Variants in GPHN observed in about 807,000 individuals in gnomAD.
The protein encoded by GPHN is gephyrin.
A neutral mutation model predicts 95.5 loss-of-function variants in GPHN; 17 were observed. That is an observed-to-expected ratio of 0.18 (90% CI 0.12 to 0.27). The LOEUF is 0.27. Among genes scored for constraint, GPHN ranks in the 10% least tolerant of loss-of-function variants. GPHN has a pLI of 1.00. For missense variants in GPHN, 660 were observed against 978.1 expected (o/e 0.67, Z 4.34); for synonymous variants, 320 against 322.5 (o/e 0.99, Z 0.08).
intron 4 of GPHN, among the ~76,000 whole-genome samples, chr14:66,871,958 TA>T (rs1421922653): frequency 1.3e-5 from 2 of 152,124 alleles, no homozygotes; most frequent in Non-Finnish European, 2.9e-5. Flanking sequence ...AAAATTTAAA[TA>T]CGTAAAAAAA....
At chr14:66,668,081 G>A (rs1015051040) in intron 1 of GPHN, among the ~76,000 whole-genome samples, 4 of 152,166 alleles carry the variant, frequency 2.6e-5, no homozygotes, top group Non-Finnish European at 4.4e-5. Context: ...ACCACAGTGA[G>A]ATATCATATC....
intron 1 of GPHN, among the ~76,000 whole-genome samples, chr14:66,652,410 CAT>C (rs891654883): frequency 6.6e-6 from 1 of 151,236 alleles, no homozygotes; most frequent in Non-Finnish European, 1.5e-5. Context: ...TATAATATAC[CAT>C]ATATATATAA....
At chr14:67,545,729 A>G in the GPHN span, among the ~76,000 whole-genome samples, 6 of 152,362 alleles carry the variant, frequency 3.9e-5, no homozygotes, top group Admixed American at 3.9e-4. Flanking sequence ...ATTAAAAATG[A>G]ATCAAGTAGA....
intron 4 of GPHN, among the ~76,000 whole-genome samples, chr14:66,874,708 A>T (rs1198371669): frequency 1.3e-5 from 2 of 152,080 alleles, no homozygotes; most frequent in African/African-American, 4.8e-5. Context: ...AGATTAAAGA[A>T]AAAAGAATGA....
rs114659266 is a variant in GPHN at position 66,572,274 on chromosome 14, T to C, written c.64+63683T>C. On this transcript the variant is annotated intron_variant, in intron 1 of 22. Transcript: ENST00000478722. ...TTCCATGTGAATTTTAGGATTTTTC[T>C]AAATCTGTGAAAAATGCCATTGGAA... 7.8e-3 allele frequency among the ~76,000 whole-genome samples: 1,194 copies of C among 152,342 alleles called. 8 individuals are homozygous for C. The highest frequency in any genetic ancestry group is 0.027 in the African/African-American group (1,140 of 41,568).
the GPHN span, among the ~76,000 whole-genome samples, chr14:67,526,997 G>A: frequency 6.6e-6 from 1 of 152,190 alleles, no homozygotes; most frequent in African/African-American, 2.4e-5. Context: ...AAGCCACTAG[G>A]GGCAGGGCAG....
chr14:66,890,815 C>T (rs1202356819), intron 5 of GPHN, among the ~76,000 whole-genome samples: 1 of 151,706 alleles, frequency 6.6e-6, no homozygotes, highest in East Asian at 1.9e-4. Flanking sequence ...AAAAAAAACC[C>T]ATGTGATCAT....
At chr14:66,891,609 A>G (rs1297431339) in intron 5 of GPHN, among the ~76,000 whole-genome samples, 1 of 152,182 alleles carries the variant, frequency 6.6e-6, no homozygotes, top group African/African-American at 2.4e-5. Flanking sequence ...TATGACACCA[A>G]AAGCATAGGC....
At chr14:66,708,975 A>AG (rs1850417887) in intron 2 of GPHN, among the ~76,000 whole-genome samples, 1 of 152,168 alleles carries the variant, frequency 6.6e-6, no homozygotes, top group African/African-American at 2.4e-5. Flanking sequence ...TTAAAACATA[A>AG]GAGTTCAGAC....
At chr14:67,187,552 A>G in the GPHN span, among the ~76,000 whole-genome samples, 1 of 152,308 alleles carries the variant, frequency 6.6e-6, no homozygotes, top group Non-Finnish European at 1.5e-5. Context: ...AGAATGATCA[A>G]TTCAGAACAT....
At chr14:67,675,982 A>C in the GPHN span, among the ~76,000 whole-genome samples, 1 of 152,112 alleles carries the variant, frequency 6.6e-6, no homozygotes, top group Non-Finnish European at 1.5e-5. Context: ...CTGTAACCCC[A>C]GCTACTCGGG....
intron 1 of GPHN, among the ~76,000 whole-genome samples, chr14:66,592,514 A>G (rs62051805): frequency 6.6e-6 from 1 of 152,274 alleles, no homozygotes; most frequent in African/African-American, 2.4e-5. Flanking sequence ...TATTTCCCAG[A>G]AGAAGACATT....
chr14:66,690,174 A>G (rs946326501), intron 2 of GPHN, among the ~76,000 whole-genome samples: 22 of 151,954 alleles, frequency 1.4e-4, no homozygotes, highest in African/African-American at 5.1e-4. Flanking sequence ...GTTTATTGCT[A>G]TAAACTTCTC....
the GPHN span, among the ~76,000 whole-genome samples, chr14:67,228,734 T>G: frequency 6.6e-6 from 1 of 152,242 alleles, no homozygotes; most frequent in Non-Finnish European, 1.5e-5. Flanking sequence ...TTGGTTTCAC[T>G]TTTCTCATTT....
At chr14:67,474,454 C>A in the GPHN span, among the ~76,000 whole-genome samples, 1 of 152,168 alleles carries the variant, frequency 6.6e-6, no homozygotes. Flanking sequence ...TTGCTGATTT[C>A]TCAGCAGGCC....
At chr14:66,674,989 A>G (rs9671772) in intron 1 of GPHN, among the ~76,000 whole-genome samples, 51,950 of 151,900 alleles carry the variant, frequency 0.34, 13,417 homozygotes, top group African/African-American at 0.7. Context: ...GTTATCTTTG[A>G]TCTTTTATAA....
intron 2 of GPHN, among the ~76,000 whole-genome samples, chr14:66,706,916 G>A (rs986835286): frequency 6.6e-6 from 1 of 152,078 alleles, no homozygotes; most frequent in African/African-American, 2.4e-5. Context: ...CTACACATCT[G>A]ACAAAGGTCT....
chr14:67,487,718 A>T, the GPHN span, among the ~76,000 whole-genome samples: 1 of 152,180 alleles, frequency 6.6e-6, no homozygotes, highest in African/African-American at 2.4e-5. Context: ...ATTATGGTTG[A>T]GGCCCTTCCT....
intron 1 of GPHN, among the ~76,000 whole-genome samples, chr14:66,676,736 C>G (rs1457043045): frequency 7.3e-6 from 1 of 136,412 alleles, no homozygotes; most frequent in Admixed American, 7.8e-5. Context: ...AGGATTTTTG[C>G]ATCTATGCTA....
Sources: allele counts gnomAD v4.1 joint callset (sites outside exome capture counted in the v4.1 genomes callset), GRCh38; gene constraint gnomAD v4.1.1; transcripts MANE v1.5; gene names NCBI Gene and HGNC (gene_info 2026-07-23, HGNC 2026-07-21).